DST: variants seen among roughly 807,000 people sequenced by gnomAD.
DST encodes the protein bullous pemphigoid antigen.
A neutral mutation model predicts 875.2 loss-of-function variants in DST; 253 were observed. The observed-to-expected ratio is 0.29, with a 90% confidence interval of 0.26 to 0.32. DST has a LOEUF of 0.32. Among genes scored for constraint, DST ranks in the 10% least tolerant of loss-of-function variants. The pLI is 1.00. For missense variants in DST, 8,287 were observed against 9,111.6 expected, an observed-to-expected ratio of 0.91 and a Z score of 3.68; for synonymous variants, 3,124 against 3,197.1, an observed-to-expected ratio of 0.98 and a Z score of 0.77.
chr6:56,625,054 A>G, intron 35 of DST, 103 bp downstream of exon 35: 1 of 815,628 alleles, frequency 1.2e-6, no homozygotes, highest in South Asian at 1.4e-5. Context: ...TAAAATAGTA[A>G]GTTTTATACT....
chr6:56,629,174 A>T, intron 32 of DST, 76 bp downstream of exon 32: 1 of 1,416,282 alleles, frequency 7.1e-7, no homozygotes, highest in Non-Finnish European at 1.0e-6. Context: ...AAATAGCCTC[A>T]TATGTGTAGA....
intron 93 of DST, 65 bp from the exon 94 acceptor site, chr6:56,472,287 C>A (rs1434684574): frequency 1.3e-6 from 2 of 1,489,860 alleles, no homozygotes; most frequent in African/African-American, 2.8e-5. Context: ...TAAGGCTTGA[C>A]CTTTTTTGCT....
intron 55 of DST, among the ~76,000 whole-genome samples, chr6:56,563,241 G>A (rs535531522): frequency 2.9e-3 from 438 of 152,046 alleles, no homozygotes; most frequent in Non-Finnish European, 4.2e-3. Context: ...CATCCTCTCC[G>A]GCATCTGTTG....
Position 56,643,685 on chromosome 6 carries a change from C to T in DST, c.1779-1182G>A, listed in dbSNP as rs548349321. The stretch of plus-strand genomic sequence containing the variant: ...AACCAGCCTCCTAAATATTTTCCTA[C>T]CTCCAATAATACTGTTACTTCTCCA... On this transcript the variant is annotated intron_variant, in intron 15 of 103. Coordinates refer to ENST00000680361, the MANE Select transcript of DST (RefSeq NM_001374736.1). Among the ~76,000 whole-genome samples the T allele has an allele frequency of 2.0e-4, 31 of 152,312 alleles. No individual in the cohort carries two copies. The South Asian group carries it at 5.8e-3, about 28-fold the overall frequency.
At chr6:56,715,223 G>A (rs908833221) in intron 5 of DST, among the ~76,000 whole-genome samples, 4 of 152,214 alleles carry the variant, frequency 2.6e-5, no homozygotes, top group Non-Finnish European at 5.9e-5. Context: ...CTTCCTAGCA[G>A]GGGATTTGTG....
intron 5 of DST, among the ~76,000 whole-genome samples, chr6:56,718,531 A>G (rs1252990827): frequency 6.6e-6 from 1 of 152,250 alleles, no homozygotes; most frequent in African/African-American, 2.4e-5. Flanking sequence ...GATCTACCAT[A>G]TGACCCAACA....
Position 56,954,431 on chromosome 6 carries a change from A to C in DST, c.157T>G (p.Phe53Val). 1 of 1,367,520 alleles carries C rather than the reference A, an allele frequency of 7.3e-7. No homozygotes were observed. The highest frequency in any genetic ancestry group is 9.8e-7 in the Non-Finnish European group (1 of 1,021,776). The allele number at this position is 1,367,520 out of a possible 1,614,324, so 84.7% of individuals were successfully genotyped here. A position where few individuals can be genotyped will look rare whatever the true frequency, so the allele number is the denominator to read the frequency against. Residue 53 changes from phenylalanine to valine, a missense_variant, in exon 1 of 104, where the codon TTC becomes GTC. Phe to Val is a conservative substitution (Grantham distance 50). Transcript: ENST00000680361. ...CCTCGGCTTCTTGAACGACCCGAGA[A>C]GACCGATTTCATCGGATGCCTCCCT... is the stretch of plus-strand genomic sequence containing the variant. The part of the protein sequence containing the change: ...QKGRHPMKSV[F>V]SGRSRSRDAV...
In DST at chr6:56,479,836, C is replaced by T. The variant is rs149871050; in HGVS notation, c.21531+2214G>A. ...ATTACCTATTGGGTACCGTGTTTAACATTTGGATGACTGGTATAAAACAAG... is the reference window on the plus strand; with the variant it reads ...ATTACCTATTGGGTACCGTGTTTAATATTTGGATGACTGGTATAAAACAAG... On this transcript the variant is annotated intron_variant, in intron 90 of 103. Transcript: ENST00000680361. Among the ~76,000 whole-genome samples the T allele has an allele frequency of 2.3e-3, 346 of 152,316 alleles. 2 individuals carry two copies. Among genetic ancestry groups the T allele is most frequent in the African/African-American group, 8.1e-3 (335 of 41,574 alleles).
At chr6:56,813,501 A>G (rs2099763129) in intron 4 of DST, among the ~76,000 whole-genome samples, 1 of 152,182 alleles carries the variant, frequency 6.6e-6, no homozygotes, top group Non-Finnish European at 1.5e-5. Flanking sequence ...ATTTGCCTAA[A>G]GAAACTACAA....
chr6:56,670,168 GTGTGTA>G (rs977807929), intron 10 of DST, among the ~76,000 whole-genome samples: 12 of 151,084 alleles, frequency 7.9e-5, no homozygotes, highest in Non-Finnish European at 1.5e-4. Flanking sequence ...GTGTGTGTGT[GTGTGTA>G]TAAGCTACAA....
At chr6:56,774,628 C>G (rs1371794549) in intron 4 of DST, among the ~76,000 whole-genome samples, 1 of 152,172 alleles carries the variant, frequency 6.6e-6, no homozygotes, top group Non-Finnish European at 1.5e-5. Flanking sequence ...GAATTCAGTT[C>G]ACTTCAAACC....
At chr6:56,460,085 G>T in intron 103 of DST, 46 bp downstream of exon 103, 2 of 1,569,036 alleles carry the variant, frequency 1.3e-6, no homozygotes, top group South Asian at 2.4e-5. Flanking sequence ...ATCCTCAGAT[G>T]ACCATGCTGC....
chr6:56,896,084 CGGG>C (rs1791106550), intron 3 of DST, among the ~76,000 whole-genome samples: 1 of 46,562 alleles, frequency 2.1e-5, no homozygotes, highest in African/African-American at 1.6e-4. Context: ...GAGAGGGAGA[CGGG>C]AGAGGGAGAG....
intron 4 of DST, among the ~76,000 whole-genome samples, chr6:56,808,383 A>G (rs1167242103): frequency 3.9e-5 from 6 of 152,230 alleles, no homozygotes; most frequent in Non-Finnish European, 7.3e-5. Flanking sequence ...AAGCGTTGAG[A>G]GACATGAAAC....
chr6:56,886,262 C>T (rs1460679162), intron 3 of DST, among the ~76,000 whole-genome samples: 1 of 152,176 alleles, frequency 6.6e-6, no homozygotes, highest in African/African-American at 2.4e-5. Context: ...AGGATAAACA[C>T]AGGAGACAAC....
rs937010064 is a variant in DST at position 56,603,557 on chromosome 6, T to C, written c.10941+7A>G. Reference sequence around the variant, plus strand: ...CCATCCATAAAGAGGCAGTAGACAATTCTTACCTCCAACTGTCTAAGTTGA... The same window carrying C: ...CCATCCATAAAGAGGCAGTAGACAACTCTTACCTCCAACTGTCTAAGTTGA... On this transcript the variant is annotated splice_region_variant and intron_variant, in intron 41 of 103. Coordinates refer to ENST00000680361, the MANE Select transcript of DST (RefSeq NM_001374736.1). 25 of 1,603,540 alleles carry C rather than the reference T, an allele frequency of 1.6e-5. No individual in the cohort carries two copies. The highest frequency in any genetic ancestry group is 2.0e-5 in the Non-Finnish European group (24 of 1,176,194).
At chr6:56,674,987 C>T (rs1000708588) in intron 9 of DST, among the ~76,000 whole-genome samples, 23 of 152,242 alleles carry the variant, frequency 1.5e-4, no homozygotes, top group Admixed American at 2.6e-4. Context: ...AACCTGGAAG[C>T]GTCACACTCC....
rs1299011975 is a variant in DST, at chr6:56,598,018, A to C, written c.11929-12T>G. On this transcript the variant is annotated splice_polypyrimidine_tract_variant and intron_variant, in intron 46 of 103. Transcript: ENST00000680361. ...TTCACTGCTGCTACCTGGGAAGGGAAAGTTCACAGGAGGAATTCAGAACGT... is the reference window on the plus strand; with the variant it reads ...TTCACTGCTGCTACCTGGGAAGGGACAGTTCACAGGAGGAATTCAGAACGT... 2 of 1,574,580 alleles carry C rather than the reference A, an allele frequency of 1.3e-6. No individual in the cohort carries two copies. Among genetic ancestry groups the C allele is most frequent in the Non-Finnish European group, 1.7e-6 (2 of 1,159,436 alleles).
intron 4 of DST, among the ~76,000 whole-genome samples, chr6:56,793,068 C>CAA (rs61457774): frequency 0.015 from 640 of 42,272 alleles, 80 homozygotes; most frequent in Middle Eastern, 0.062. Context: ...GACCCTGTCT[C>CAA]AAAAAAAAAA....
Sources: allele counts gnomAD v4.1 joint callset (sites outside exome capture counted in the v4.1 genomes callset), GRCh38; gene constraint gnomAD v4.1.1; transcripts MANE v1.5; gene names NCBI Gene and HGNC (gene_info 2026-07-23, HGNC 2026-07-21).